DOCK1: variants seen among roughly 807,000 people sequenced by gnomAD.
The protein encoded by DOCK1 is dedicator of cytokinesis 1.
Under a neutral mutation model 262.7 loss-of-function variants are expected in DOCK1, and 138 were observed. The ratio of observed to expected loss-of-function variants is 0.53; its 90% CI spans 0.46 to 0.61. The LOEUF (loss-of-function observed/expected upper bound fraction) is 0.61, where lower values mean the gene tolerates loss of function less well. Ranked by LOEUF, DOCK1 falls within the 20% of genes least tolerant of loss-of-function variation. DOCK1 has a pLI of 0.00. For synonymous variants in DOCK1, 866 were observed against 867.4 expected, an observed-to-expected ratio of 1.00 and a Z score of 0.03; for missense variants, 1,908 against 2,370.7, an observed-to-expected ratio of 0.80 and a Z score of 4.05.
At chr10:126,985,260 C>T (rs61875510) in intron 4 of DOCK1, among the ~76,000 whole-genome samples, 7,756 of 152,142 alleles carry the variant, frequency 0.051, 215 homozygotes, top group Middle Eastern at 0.1. Flanking sequence ...TGATTACAGG[C>T]GTGAGCCACC....
chr10:127,143,615 A>G (rs2051489313), intron 27 of DOCK1, among the ~76,000 whole-genome samples: 1 of 152,276 alleles, frequency 6.6e-6, no homozygotes. Flanking sequence ...AAAGCACAAC[A>G]ATTTATGTCA....
chr10:127,374,290 T>C (rs534382503), intron 35 of DOCK1, 76 bp downstream of exon 35: 225 of 1,479,230 alleles, frequency 1.5e-4, no homozygotes, highest in Non-Finnish European at 2.0e-4. Context: ...CCCCAGCCCT[T>C]ATCTATGACA....
intron 1 of DOCK1, among the ~76,000 whole-genome samples, chr10:126,928,865 A>G (rs1591348477): frequency 6.6e-6 from 1 of 152,156 alleles, no homozygotes; most frequent in Admixed American, 6.5e-5. Flanking sequence ...TTGTACAATC[A>G]CCCCATAGCC....
intron 1 of DOCK1, among the ~76,000 whole-genome samples, chr10:126,943,783 G>C (rs942755174): frequency 6.6e-5 from 10 of 152,198 alleles, no homozygotes; most frequent in Admixed American, 2.0e-4. Context: ...GAGTTAATGA[G>C]ATGAAGAGGG....
chr10:127,162,739 C>T (rs903089431), intron 27 of DOCK1, among the ~76,000 whole-genome samples: 2 of 152,146 alleles, frequency 1.3e-5, no homozygotes, highest in African/African-American at 4.8e-5. Context: ...GACTTTGCTA[C>T]AAAGGAGCCG....
At chr10:127,392,259 C>A (rs1278769597) in intron 38 of DOCK1, among the ~76,000 whole-genome samples, 21 of 151,912 alleles carry the variant, frequency 1.4e-4, no homozygotes, top group African/African-American at 3.9e-4. Context: ...CTGGGGTGGG[C>A]CTCGAGGCTC....
chr10:126,990,904 T>C (rs2135006030), intron 6 of DOCK1, among the ~76,000 whole-genome samples: 1 of 152,300 alleles, frequency 6.6e-6, no homozygotes, highest in East Asian at 1.9e-4. Flanking sequence ...CAAGGAACTT[T>C]TACTTTCTGA....
At chr10:127,160,469 A>G (rs2053502884) in intron 27 of DOCK1, among the ~76,000 whole-genome samples, 1 of 152,218 alleles carries the variant, frequency 6.6e-6, no homozygotes, top group African/African-American at 2.4e-5. Flanking sequence ...AGATGTGTTC[A>G]GTACTCAGTG....
chr10:127,277,556 G>A lies in DOCK1; in HGVS notation c.3044+20127G>A, dbSNP rs553266695. On this transcript the variant is annotated intron_variant, in intron 29 of 51. Coordinates refer to ENST00000623213, the MANE Select transcript of DOCK1 (RefSeq NM_001290223.2). ...GTGGATCACCTGAGGTCAGGAGTTCGAGACCAGGCTGACCAATATGGTGAA... is the reference window on the plus strand; with the variant it reads ...GTGGATCACCTGAGGTCAGGAGTTCAAGACCAGGCTGACCAATATGGTGAA... 2.0e-5 allele frequency among the ~76,000 whole-genome samples: 3 copies of A among 152,158 alleles called. No individual in the cohort carries two copies. The South Asian group carries it at 6.2e-4, about 32-fold the overall frequency.
intron 51 of DOCK1, among the ~76,000 whole-genome samples, chr10:127,448,854 C>A (rs1231622652): frequency 7.4e-6 from 1 of 135,264 alleles, no homozygotes; most frequent in African/African-American, 2.5e-5. Context: ...CGTGCCATTT[C>A]TTTTTCTTTT....
At chr10:127,440,748 T>C (rs2070061440) in intron 49 of DOCK1, among the ~76,000 whole-genome samples, 1 of 152,220 alleles carries the variant, frequency 6.6e-6, no homozygotes, top group African/African-American at 2.4e-5. Context: ...CTCTGCGGCC[T>C]GTGGGTAGGT....
chr10:127,270,840 A>G (rs967722653), intron 29 of DOCK1, among the ~76,000 whole-genome samples: 4 of 152,008 alleles, frequency 2.6e-5, no homozygotes, highest in African/African-American at 9.7e-5. Context: ...TTCTTTATCC[A>G]GTCTGGTGGT....
intron 4 of DOCK1, among the ~76,000 whole-genome samples, chr10:126,983,270 C>T (rs1396161717): frequency 2.0e-5 from 3 of 152,176 alleles, no homozygotes; most frequent in Admixed American, 6.5e-5. Context: ...CCTAGCTGCC[C>T]AACAGCTCCT....
At chr10:127,134,587 G>T (rs1003750096) in intron 27 of DOCK1, among the ~76,000 whole-genome samples, 42 of 152,136 alleles carry the variant, frequency 2.8e-4, no homozygotes, top group African/African-American at 9.7e-4. Flanking sequence ...CATTGTATCT[G>T]GGTGTCTGTA....
intron 25 of DOCK1, among the ~76,000 whole-genome samples, chr10:127,124,855 ATTTC>A (rs1334279139): frequency 6.6e-6 from 1 of 152,184 alleles, no homozygotes; most frequent in African/African-American, 2.4e-5. Context: ...TGTAGGAAGT[ATTTC>A]TTTTAATGTT....
intron 43 of DOCK1, among the ~76,000 whole-genome samples, chr10:127,414,026 C>T (rs188108792): frequency 2.2e-4 from 34 of 152,252 alleles, no homozygotes; most frequent in African/African-American, 7.9e-4. Flanking sequence ...ATTCTCATGC[C>T]TCAGCCTCCT....
rs116818503 is a variant in DOCK1 at position 127,057,216 on chromosome 10, C to A, written c.2336+4401C>A. Among the ~76,000 whole-genome samples, 586 of 152,290 alleles carry A rather than the reference C, an allele frequency of 3.8e-3. 5 individuals are homozygous for A. The highest frequency in any genetic ancestry group is 0.014 in the African/African-American group (563 of 41,562). On this transcript the variant is annotated intron_variant, in intron 22 of 51. Coordinates refer to ENST00000623213, the MANE Select transcript of DOCK1 (RefSeq NM_001290223.2). ...ACTAGGACTCTCATCTTCTTACCTG[C>A]AGCATGTTTATTACCTTGAGAGAAA...
chr10:127,112,053 C>T (rs373153870), intron 25 of DOCK1, among the ~76,000 whole-genome samples: 128 of 151,288 alleles, frequency 8.5e-4, no homozygotes, highest in African/African-American at 2.9e-3. Context: ...GCGCTGTTGC[C>T]GAGGCTGGAG....
chr10:127,188,200 G>T lies in DOCK1; in HGVS notation c.2848-59808G>T, dbSNP rs534727716. 8.5e-5 allele frequency among the ~76,000 whole-genome samples: 13 copies of T among 152,254 alleles called. 1 individual carries two copies. Among genetic ancestry groups the T allele is most frequent in the East Asian group, 3.9e-4 (2 of 5,168 alleles). ...GAGTGTCTGTGCCCTGGCCTGGCTG[G>T]GCTGTGCTGTGCACAAACAGATGGG... On this transcript the variant is annotated intron_variant, in intron 27 of 51. Coordinates refer to ENST00000623213, the MANE Select transcript of DOCK1 (RefSeq NM_001290223.2).
Sources: gnomAD v4.1 joint callset for allele counts (sites outside exome capture counted in the v4.1 genomes callset) on GRCh38, gnomAD v4.1.1 for gene constraint, MANE v1.5 for transcripts, NCBI Gene and HGNC (gene_info 2026-07-23, HGNC 2026-07-21) for gene names.